The following TXNDC16 variants were observed in gnomAD, a reference collection of about 807,000 sequenced individuals.
TXNDC16 encodes thioredoxin domain containing 16, also known as thioredoxin domain-containing protein 16.
A neutral mutation model predicts 85.6 loss-of-function variants in TXNDC16; 74 were observed. The ratio of observed to expected loss-of-function variants is 0.86; its 90% CI spans 0.72 to 1.05. TXNDC16 has a LOEUF of 1.05. TXNDC16 is among the 50% of genes least tolerant of loss of function. The probability of loss-of-function intolerance (pLI) is 0.00; values close to 1 mark genes in which losing one functional copy is unlikely to be tolerated. For synonymous variants in TXNDC16, 335 were observed against 326.5 expected, an observed-to-expected ratio of 1.03 and a Z score of -0.28; for missense variants, 959 against 947.0, an observed-to-expected ratio of 1.01 and a Z score of -0.17.
intron 8 of TXNDC16, 104 bp from the exon 9 acceptor site, chr14:52,511,494 A>G (rs2036954412): frequency 1.5e-6 from 1 of 683,050 alleles, no homozygotes; most frequent in Non-Finnish European, 2.2e-6. Context: ...ATGCTTTTGA[A>G]TTATTATTTT....
chr14:52,431,470 C>T lies in TXNDC16; in HGVS notation c.*834G>A, dbSNP rs932372010. The stretch of plus-strand genomic sequence containing the variant: ...TATCCAGGTAATAATCAGGATAAGA[C>T]CATCTAATACATATCTTTAATAGCC... On this transcript the variant is annotated 3_prime_UTR_variant, in exon 21 of 21. Coordinates refer to ENST00000281741, the MANE Select transcript of TXNDC16 (RefSeq NM_020784.3). 6.6e-6 allele frequency: 1 copy of T among 152,120 alleles called. No homozygotes were observed. The highest frequency in any genetic ancestry group is 2.4e-5 in the African/African-American group (1 of 41,418). The allele number at this position is 152,120 out of a possible 1,614,324, so 9.4% of individuals were successfully genotyped here.
chr14:52,534,401 T>C (rs932682769), intron 6 of TXNDC16, among the ~76,000 whole-genome samples: 1 of 152,158 alleles, frequency 6.6e-6, no homozygotes, highest in African/African-American at 2.4e-5. Flanking sequence ...CATTATGAGA[T>C]GTTTCTGCAA....
intron 18 of TXNDC16, among the ~76,000 whole-genome samples, chr14:52,443,406 T>C (rs2035209307): frequency 6.6e-6 from 1 of 152,192 alleles, no homozygotes. Flanking sequence ...CCTTTTATTA[T>C]ATCTATCCTA....
At position 52,543,625 on chromosome 14, in the gene TXNDC16, C is replaced by T; in HGVS notation, c.-68G>A. ...CACTGCTGTGTTCTGTTTCCTAAGA[C>T]AACACCTGGCACAGAGAAGGTATTC... On this transcript the variant is annotated 5_prime_UTR_variant, in exon 3 of 21. Transcript: ENST00000281741. The T allele has an allele frequency of 6.5e-7, 1 of 1,542,110 alleles. No homozygotes were observed. Among genetic ancestry groups the T allele is most frequent in the Non-Finnish European group, 8.8e-7 (1 of 1,135,102 alleles).
At position 52,470,653 on chromosome 14, in the gene TXNDC16, A is replaced by T. The variant is rs1399503055; in HGVS notation, c.1340T>A (p.Ile447Lys). ...TACATCAGACCAATCTGCACAGTTT[A>T]TTCTAGTAAGAAGCATAGTAGATGT... ...KGTSTMLLTR[I>K]NCADWSDVCT... Residue 447 changes from isoleucine to lysine, a missense_variant, in exon 15 of 21, where the codon ATA (isoleucine) becomes AAA (lysine). Ile to Lys is a moderately radical substitution (Grantham distance 102, BLOSUM62 -3). Coordinates refer to ENST00000281741, the MANE Select transcript of TXNDC16 (RefSeq NM_020784.3). 1.2e-6 allele frequency: 2 copies of T among 1,610,486 alleles called. No homozygotes were observed. Among genetic ancestry groups the T allele is most frequent in the Non-Finnish European group, 1.7e-6 (2 of 1,178,556 alleles).
At chr14:52,445,494 A>G (rs2035260137) in intron 18 of TXNDC16, among the ~76,000 whole-genome samples, 1 of 152,226 alleles carries the variant, frequency 6.6e-6, no homozygotes, top group Admixed American at 6.5e-5. Context: ...GTCACTTCAG[A>G]AATGTAGAAA....
intron 16 of TXNDC16, among the ~76,000 whole-genome samples, chr14:52,460,396 G>A (rs2035625680): frequency 6.6e-6 from 1 of 152,010 alleles, no homozygotes; most frequent in Non-Finnish European, 1.5e-5. Flanking sequence ...AACTACCAAT[G>A]ATATTTTTCA....
At chr14:52,444,614 A>G (rs1277601412) in intron 18 of TXNDC16, among the ~76,000 whole-genome samples, 1 of 152,156 alleles carries the variant, frequency 6.6e-6, no homozygotes, top group Non-Finnish European at 1.5e-5. Context: ...ATTTGTTGTT[A>G]CTGTAAACAG....
At position 52,470,492 on chromosome 14, in the gene TXNDC16, T is replaced by C. The variant is rs2035880595; in HGVS notation, c.1481+20A>G. 2.5e-6 allele frequency: 4 copies of C among 1,602,732 alleles called. No homozygotes were observed. Among genetic ancestry groups the C allele is most frequent in the African/African-American group, 2.7e-5 (2 of 74,326 alleles). On this transcript the variant is annotated intron_variant, in intron 15 of 20. Coordinates refer to ENST00000281741, the MANE Select transcript of TXNDC16 (RefSeq NM_020784.3). ...AAGACCTAAACATTCAGAGATCTTA[T>C]AATGAAGCTGAATACTTACAGCTGG... is the stretch of plus-strand genomic sequence containing the variant.
At chr14:52,462,181 CTCTTT>C (rs941109574) in intron 16 of TXNDC16, among the ~76,000 whole-genome samples, 5 of 152,014 alleles carry the variant, frequency 3.3e-5, no homozygotes, top group East Asian at 1.9e-4. Context: ...TAAATGGTTT[CTCTTT>C]TATTTTTTTA....
chr14:52,434,014 ACAAAAAAT>A (rs1180975764), intron 20 of TXNDC16, among the ~76,000 whole-genome samples: 1 of 152,084 alleles, frequency 6.6e-6, no homozygotes, highest in Non-Finnish European at 1.5e-5. Context: ...GCCCTTCTCT[ACAAAAAAT>A]CAAAAAATAA....
chr14:52,493,216 T>TATATATATATATATATATATATAC, intron 9 of TXNDC16, among the ~76,000 whole-genome samples: 29 of 115,974 alleles, frequency 2.5e-4, no homozygotes, highest in African/African-American at 8.5e-4. Context: ...TATATATATA[T>TATATATATATATATATATATATAC]ACACACACAC....
At chr14:52,436,671 G>A (rs2035035075) in intron 20 of TXNDC16, among the ~76,000 whole-genome samples, 1 of 152,094 alleles carries the variant, frequency 6.6e-6, no homozygotes, top group South Asian at 2.1e-4. Flanking sequence ...CACTTAGGAA[G>A]GATGGGTTTG....
At chr14:52,496,891 G>A (rs994997345) in intron 9 of TXNDC16, among the ~76,000 whole-genome samples, 5 of 151,908 alleles carry the variant, frequency 3.3e-5, no homozygotes, top group African/African-American at 4.8e-5. Flanking sequence ...GATTATAGGC[G>A]GGAACCACTG....
intron 9 of TXNDC16, among the ~76,000 whole-genome samples, chr14:52,508,478 C>T (rs2036870134): frequency 6.6e-6 from 1 of 152,198 alleles, no homozygotes; most frequent in Non-Finnish European, 1.5e-5. Context: ...GGACTGTAAA[C>T]TAGTTCAACC....
In TXNDC16 at chr14:52,457,184, C is replaced by T. The variant is rs780591088; in HGVS notation, c.1619-10G>A. 6.6e-6 allele frequency: 10 copies of T among 1,514,004 alleles called. No individual in the cohort carries two copies. The South Asian group carries it at 8.7e-5, about 13-fold the overall frequency. 93.8% of individuals were successfully genotyped at this position (1,514,004 alleles called of 1,614,324 possible). A position where few individuals can be genotyped will look rare whatever the true frequency, so the allele number is the denominator to read the frequency against. On this transcript the variant is annotated splice_polypyrimidine_tract_variant and intron_variant, in intron 16 of 20. Transcript: ENST00000281741. Reference sequence around the variant, plus strand: ...CTAAAATCTTCTTTTGCTATAAATACATAGAGAAGACAAAAATCTGAAACC... The same window carrying T: ...CTAAAATCTTCTTTTGCTATAAATATATAGAGAAGACAAAAATCTGAAACC...
intron 20 of TXNDC16, among the ~76,000 whole-genome samples, chr14:52,433,122 C>T (rs2034945102): frequency 6.6e-6 from 1 of 151,808 alleles, no homozygotes; most frequent in South Asian, 2.1e-4. Flanking sequence ...ACATCTTTTC[C>T]ACACACTTTA....
intron 6 of TXNDC16, among the ~76,000 whole-genome samples, chr14:52,525,128 T>C (rs894051839): frequency 6.6e-6 from 1 of 151,696 alleles, no homozygotes; most frequent in African/African-American, 2.4e-5. Context: ...AAAAAAAGAA[T>C]GGCCTTTCAT....
At chr14:52,498,061 C>T (rs1437837218) in intron 9 of TXNDC16, among the ~76,000 whole-genome samples, 1 of 151,992 alleles carries the variant, frequency 6.6e-6, no homozygotes, top group Non-Finnish European at 1.5e-5. Context: ...ATGGTCATTT[C>T]GATTGATGCA....
Sources: allele counts gnomAD v4.1 joint callset (sites outside exome capture counted in the v4.1 genomes callset), GRCh38; gene constraint gnomAD v4.1.1; transcripts MANE v1.5; gene names NCBI Gene and HGNC (gene_info 2026-07-23, HGNC 2026-07-21).